Variants in QRICH2 observed in about 807,000 individuals in gnomAD.
The protein encoded by QRICH2 is glutamine-rich protein 2.
A neutral mutation model predicts 168.3 loss-of-function variants in QRICH2; 119 were observed. The ratio of observed to expected loss-of-function variants is 0.71; its 90% confidence interval spans 0.61 to 0.82. The LOEUF (loss-of-function observed/expected upper bound fraction) is 0.82. Ranked by LOEUF, QRICH2 falls within the 40% of genes least tolerant of loss-of-function variation. The pLI, the probability that QRICH2 is intolerant of heterozygous loss-of-function variation, is 0.00. For missense variants in QRICH2, 2,241 were observed against 2,491.6 expected (o/e 0.90, Z 2.14); for synonymous variants, 894 against 951.2 (o/e 0.94, Z 1.11).
At chr17:76,279,982 C>T in intron 12 of QRICH2, 51 bp downstream of exon 12, 1 of 1,553,812 alleles carries the variant, frequency 6.4e-7, no homozygotes, top group Non-Finnish European at 8.7e-7. Flanking sequence ...CCCCTCTGCC[C>T]TCACCCCCTG....
In QRICH2 at chr17:76,308,184, G is replaced by C; in HGVS notation, c.-186C>G. ...AATCTGCGCCTCCGCTCCCCGGCGG[G>C]GTCCGCGATGGCCACCCCTCCGCTG... On this transcript the variant is annotated 5_prime_UTR_variant, in exon 1 of 19. Coordinates refer to ENST00000680821, the MANE Select transcript of QRICH2 (RefSeq NM_001388453.1). The C allele has an allele frequency of 1.0e-6, 1 of 985,444 alleles. No homozygotes were observed. The highest frequency in any genetic ancestry group is 1.2e-6 in the Non-Finnish European group (1 of 829,916). 61.0% of individuals were successfully genotyped at this position (985,444 alleles called of 1,614,324 possible).
chr17:76,287,101 C>A, intron 7 of QRICH2, 91 bp downstream of exon 7: 1 of 639,300 alleles, frequency 1.6e-6, no homozygotes, highest in Non-Finnish European at 2.9e-6. Context: ...ATGGGAGGGA[C>A]CTAGTTTTTG....
chr17:76,288,213 T>G (rs1378211545), intron 5 of QRICH2, among the ~76,000 whole-genome samples: 1 of 149,028 alleles, frequency 6.7e-6, no homozygotes, highest in African/African-American at 2.5e-5. Context: ...GGGAAACCCA[T>G]CTCTACTAAA....
chr17:76,282,329 T>C (rs896500702), intron 7 of QRICH2, among the ~76,000 whole-genome samples: 3 of 152,180 alleles, frequency 2.0e-5, no homozygotes, highest in Non-Finnish European at 4.4e-5. Context: ...GTGTCAACAC[T>C]GAACCAAGCC....
intron 5 of QRICH2, 27 bp downstream of exon 5, chr17:76,289,965 A>G: frequency 6.6e-7 from 1 of 1,508,680 alleles, no homozygotes; most frequent in Non-Finnish European, 9.0e-7. Flanking sequence ...AAAAAAAAAA[A>G]GACAAAGTGG....
In QRICH2 at chr17:76,287,801, T is replaced by G; in HGVS notation, c.3895A>C (p.Arg1299=). Residue 1299 remains arginine, a splice_region_variant and synonymous_variant, in exon 6 of 19, where the codon AGA becomes CGA. Coordinates refer to ENST00000680821, the MANE Select transcript of QRICH2 (RefSeq NM_001388453.1). The stretch of plus-strand genomic sequence containing the variant: ...CTGCTCTTAGCTGGGGCATTTTACC[T>G]GAGGACACCCAGCTGCAATCTCAGC... The part of the protein sequence containing the change: ...GELRLQLGVL[R]VTVADIEKEL... The G allele has an allele frequency of 1.2e-6, 2 of 1,612,478 alleles. No homozygotes were observed. Among genetic ancestry groups the G allele is most frequent in the Non-Finnish European group, 1.7e-6 (2 of 1,178,512 alleles).
In QRICH2 at chr17:76,293,203, A is replaced by G; in HGVS notation, c.1524T>C (p.Pro508=). 1 of 1,614,158 alleles carries G rather than the reference A, an allele frequency of 6.2e-7. No homozygotes were observed. Among genetic ancestry groups the G allele is most frequent in the South Asian group, 1.1e-5 (1 of 91,084 alleles). Reference sequence around the variant, plus strand: ...ATGTCAATCCTTGCTGGTCTATACCAGGGGGTACTAGTCCTTGCTGACCCA... The same window carrying G: ...ATGTCAATCCTTGCTGGTCTATACCGGGGGGTACTAGTCCTTGCTGACCCA... ...SGMGQQGLVP[P]GIDQQGLTLP... Residue 508 remains proline, a synonymous_variant, in exon 4 of 19, where the codon CCT becomes CCC. Coordinates refer to ENST00000680821, the MANE Select transcript of QRICH2 (RefSeq NM_001388453.1).
In QRICH2 at chr17:76,281,954, G is replaced by A. The variant is rs996033103; in HGVS notation, c.4173C>T (p.Ser1391=). Residue 1391 remains serine, a synonymous_variant, in exon 8 of 19, where the codon AGC becomes AGT. Transcript: ENST00000680821. The surrounding 1 kb of genome is among the most constrained non-coding windows in gnomAD (Gnocchi z 4.4). ...ACSLDVSHQV[S]TLVRRYEQLQ... is the part of the protein sequence containing the mutation. ...GTTGCTCATAGCGCCGCACCAGCGT[G>A]CTGACCTGATGGCTCACATCCAGGC... 6.2e-7 allele frequency: 1 copy of A among 1,613,850 alleles called. No homozygotes were observed. The highest frequency in any genetic ancestry group is 8.5e-7 in the Non-Finnish European group (1 of 1,179,996).
In QRICH2 at chr17:76,279,990, C is replaced by T. The variant is rs780720051; in HGVS notation, c.4748+43G>A. On this transcript the variant is annotated intron_variant, in intron 12 of 18. Transcript: ENST00000680821. Reference sequence around the variant, plus strand: ...CCCCAGCCCCCTCTGCCCTCACCCCCTGAAGAGCGTGCCAGCCTCCTCCCC... The same window carrying T: ...CCCCAGCCCCCTCTGCCCTCACCCCTTGAAGAGCGTGCCAGCCTCCTCCCC... The T allele has an allele frequency of 7.7e-6, 12 of 1,568,292 alleles. No homozygotes were observed. The South Asian group carries it at 1.3e-4, about 17-fold the overall frequency.
At chr17:76,277,845 C>T (rs2070715021) in intron 15 of QRICH2, 144 bp downstream of exon 15, 1 of 827,118 alleles carries the variant, frequency 1.2e-6, no homozygotes. Flanking sequence ...CACTAACACC[C>T]CTCGCCCACA....
intron 3 of QRICH2, among the ~76,000 whole-genome samples, chr17:76,296,094 A>G (rs556114904): frequency 8.5e-4 from 130 of 152,224 alleles, no homozygotes; most frequent in African/African-American, 2.9e-3. Context: ...GTGGTGGCAC[A>G]TGCCTGTAAT....
Position 76,274,241 on chromosome 17 carries a change from T to C in QRICH2, c.5502A>G (p.Lys1834=), listed in dbSNP as rs1305055786. 1 of 1,592,668 alleles carries C rather than the reference T, an allele frequency of 6.3e-7. No homozygotes were observed. The highest frequency in any genetic ancestry group is 8.5e-7 in the Non-Finnish European group (1 of 1,172,610). Reference sequence around the variant, plus strand: ...GACGGCCCTCGGAGGAAGGTCTATCTTTCTGTTGACGAGAAGAAACTGTAA... The same window carrying C: ...GACGGCCCTCGGAGGAAGGTCTATCCTTCTGTTGACGAGAAGAAACTGTAA... The part of the protein sequence containing the change: ...GNTSVSSRQQ[K]DRPSSEGRLS... Residue 1834 remains lysine (K), a synonymous_variant, in exon 19 of 19, where the codon AAA becomes AAG. Transcript: ENST00000680821.
intron 7 of QRICH2, among the ~76,000 whole-genome samples, chr17:76,284,495 A>C (rs1328841438): frequency 7.1e-6 from 1 of 140,578 alleles, no homozygotes; most frequent in East Asian, 2.0e-4. Context: ...AAATGGATGA[A>C]GGATTTGGAT....
At chr17:76,274,507 C>T (rs1256576700) in intron 18 of QRICH2, among the ~76,000 whole-genome samples, 1 of 152,184 alleles carries the variant, frequency 6.6e-6, no homozygotes, top group African/African-American at 2.4e-5. Flanking sequence ...CTGCAGGAGC[C>T]AAGAGCTGCC....
Position 76,277,308 on chromosome 17 carries a change from A to G in QRICH2, c.5120T>C (p.Val1707Ala), listed in dbSNP as rs747497375. 5 of 1,609,258 alleles carry G rather than the reference A, an allele frequency of 3.1e-6. No individual in the cohort carries two copies. The Admixed American group carries it at 8.5e-5, about 27-fold the overall frequency. The change falls in exon 16 of 19, where the codon GTG becomes GCG. Residue 1707 changes from valine (V) to alanine (A), a missense_variant and splice_region_variant. This residue lies in a region of QRICH2 where 2,047 missense variants were observed against 2,303.8 expected (regional missense o/e 0.89). Transcript: ENST00000680821. ...QCLGSPCYKR[V>A]TDMADYTYST... ...GTAGGTGTAATCAGCCATATCTGTC[A>G]CCCTGTGATGAAGACAGGATGGAGT...
chr17:76,279,079 C>T lies in QRICH2; in HGVS notation c.4878G>A (p.Thr1626=), dbSNP rs347675. The change falls in exon 14 of 19, where the codon ACG becomes ACA. Residue 1626 remains threonine, a synonymous_variant. Transcript: ENST00000680821. ...LPGHHSIRPY[T]VFELEQVRQH... is the part of the protein sequence containing the mutation. ...GCCGGACCTGCTCCAGTTCAAACAC[C>T]GTGTAGGGGCGGATGGAATGGTGCC... The T allele has an allele frequency of 0.097, 155,827 of 1,613,630 alleles. 9,728 individuals carry two copies. Among genetic ancestry groups the T allele is most frequent in the South Asian group, 0.25 (22,811 of 91,026 alleles).
chr17:76,274,270 A>AG lies in QRICH2; in HGVS notation c.5483-11dup. 6.4e-7 allele frequency: 1 copy of AG among 1,571,786 alleles called. No individual in the cohort carries two copies. The highest frequency in any genetic ancestry group is 8.6e-7 in the Non-Finnish European group (1 of 1,165,542). On this transcript the variant is annotated splice_polypyrimidine_tract_variant and intron_variant, in intron 18 of 18. Coordinates refer to ENST00000680821, the MANE Select transcript of QRICH2 (RefSeq NM_001388453.1). ...TGTTGACGAGAAGAAACTGTAAGAC[A>AG]GGGGTGCTGAGGTTGCTCAACACAT...
chr17:76,284,535 C>T (rs1568110721), intron 7 of QRICH2, among the ~76,000 whole-genome samples: 1 of 121,018 alleles, frequency 8.3e-6, no homozygotes, highest in Non-Finnish European at 1.5e-5. Context: ...AGAAAGTATA[C>T]AGGCCAGGCG....
chr17:76,303,967 A>G (rs1318329133), intron 3 of QRICH2, among the ~76,000 whole-genome samples: 1 of 152,200 alleles, frequency 6.6e-6, no homozygotes, highest in Non-Finnish European at 1.5e-5. Flanking sequence ...TAATAAGGAA[A>G]GATCCCTGCA....
Sources: allele counts gnomAD v4.1 joint callset (sites outside exome capture counted in the v4.1 genomes callset), GRCh38; gene constraint gnomAD v4.1.1; regional missense constraint gnomAD v4.1.1; non-coding constraint Gnocchi (gnomAD v3.1); transcripts MANE v1.5; gene names NCBI Gene and HGNC (gene_info 2026-07-23, HGNC 2026-07-21).